The following MEI4 variants were observed in gnomAD, a reference collection of about 807,000 sequenced individuals.
The protein encoded by MEI4 is meiotic double-stranded break formation protein 4, also known as meiosis-specific protein MEI4.
In MEI4, 27 loss-of-function variants were observed where a neutral mutation model predicts 31.4. The ratio of observed to expected loss-of-function variants is 0.86; its 90% CI spans 0.63 to 1.19. MEI4 has a LOEUF of 1.19. MEI4 is among the 50% of genes most tolerant of loss of function. The probability of loss-of-function intolerance (pLI) is 0.00; values close to 1 mark genes in which losing one functional copy is unlikely to be tolerated. For missense variants in MEI4, 329 were observed against 398.9 expected, an observed-to-expected ratio of 0.82 and a Z score of 1.49; for synonymous variants, 122 against 145.4, an observed-to-expected ratio of 0.84 and a Z score of 1.16.
At chr6:77,716,744 T>G (rs1350742173) in intron 2 of MEI4, 2 of 283,478 alleles carry the variant, frequency 7.1e-6, no homozygotes, top group Admixed American at 6.5e-5. Flanking sequence ...GAATGTATAT[T>G]TTTAAAATTT....
At chr6:77,844,267 AT>A (rs1006862795) in intron 4 of MEI4, among the ~76,000 whole-genome samples, 1 of 152,132 alleles carries the variant, frequency 6.6e-6, no homozygotes, top group Non-Finnish European at 1.5e-5. Flanking sequence ...GGTATTAATA[AT>A]TTTTTAAGAA....
At chr6:77,827,359 T>TCA (rs1257249483) in intron 3 of MEI4, among the ~76,000 whole-genome samples, 8 of 64,708 alleles carry the variant, frequency 1.2e-4, no homozygotes, top group African/African-American at 5.3e-4. Context: ...AGACTCCATC[T>TCA]TAAAAAAAAA....
chr6:77,690,613 C>A, intron 1 of MEI4, 45 bp from the exon 2 acceptor site: 1 of 953,324 alleles, frequency 1.0e-6, no homozygotes, highest in Non-Finnish European at 1.4e-6. Flanking sequence ...ATGCACTGCA[C>A]AAGTTAAAAA....
chr6:77,790,201 AC>A (rs936563744), intron 3 of MEI4, among the ~76,000 whole-genome samples: 3 of 143,254 alleles, frequency 2.1e-5, no homozygotes, highest in African/African-American at 7.7e-5. Flanking sequence ...GGAATTAAAC[AC>A]GAGAACACAT....
chr6:77,671,500 GAAA>G (rs201236485), intron 1 of MEI4, among the ~76,000 whole-genome samples: 1 of 151,648 alleles, frequency 6.6e-6, no homozygotes, highest in Non-Finnish European at 1.5e-5. Flanking sequence ...ATGTTAAAAT[GAAA>G]AAAAACCGAA....
At chr6:77,743,264 T>G (rs375465396) in intron 2 of MEI4, among the ~76,000 whole-genome samples, 9 of 152,190 alleles carry the variant, frequency 5.9e-5, no homozygotes. Flanking sequence ...CATGGAATGT[T>G]CTTCCATTTG....
intron 3 of MEI4, among the ~76,000 whole-genome samples, chr6:77,769,398 G>T (rs1768252888): frequency 6.6e-6 from 1 of 152,094 alleles, no homozygotes; most frequent in South Asian, 2.1e-4. Context: ...GTGTTCTGGG[G>T]TTCTAAATAA....
intron 3 of MEI4, among the ~76,000 whole-genome samples, chr6:77,805,625 A>C (rs938827396): frequency 3.9e-5 from 6 of 152,152 alleles, no homozygotes; most frequent in African/African-American, 1.4e-4. Flanking sequence ...AGTGTCTTAG[A>C]CCAGGAAAAT....
chr6:77,844,713 T>A (rs6905087), intron 4 of MEI4, among the ~76,000 whole-genome samples: 125,606 of 152,078 alleles, frequency 0.83, 52,397 homozygotes, highest in East Asian at 0.95. Context: ...GTGACTGGCC[T>A]TACCTGAATC....
chr6:77,760,365 A>G (rs888490372), intron 2 of MEI4, among the ~76,000 whole-genome samples: 1 of 152,058 alleles, frequency 6.6e-6, no homozygotes, highest in African/African-American at 2.4e-5. Context: ...ATATTATTCA[A>G]GTTGGAAATT....
At chr6:77,757,824 T>A (rs1767950312) in intron 2 of MEI4, among the ~76,000 whole-genome samples, 1 of 152,206 alleles carries the variant, frequency 6.6e-6, no homozygotes, top group Non-Finnish European at 1.5e-5. Flanking sequence ...TCATTTTCAG[T>A]GTCTATTCAC....
chr6:77,887,913 T>C (rs1003148996), intron 4 of MEI4, among the ~76,000 whole-genome samples: 2 of 152,212 alleles, frequency 1.3e-5, no homozygotes, highest in East Asian at 1.9e-4. Flanking sequence ...TCTCTTTAGA[T>C]CTATTGGTAT....
chr6:77,844,193 T>A (rs1770425986), intron 4 of MEI4, among the ~76,000 whole-genome samples: 1 of 152,162 alleles, frequency 6.6e-6, no homozygotes, highest in Admixed American at 6.6e-5. Flanking sequence ...CTTATTAGAA[T>A]GACTCATGAA....
intron 4 of MEI4, among the ~76,000 whole-genome samples, chr6:77,845,688 A>G (rs988307333): frequency 3.7e-4 from 57 of 152,260 alleles, no homozygotes; most frequent in Middle Eastern, 3.4e-3. Flanking sequence ...GTACACTGCT[A>G]TGGCACTAAT....
chr6:77,916,565 C>A (rs966391181), intron 4 of MEI4, among the ~76,000 whole-genome samples: 8 of 152,080 alleles, frequency 5.3e-5, no homozygotes, highest in Admixed American at 3.9e-4. Flanking sequence ...TTTCTTATTT[C>A]CTCCATGGCT....
At chr6:77,757,904 TC>T (rs563678264) in intron 2 of MEI4, among the ~76,000 whole-genome samples, 59 of 152,216 alleles carry the variant, frequency 3.9e-4, no homozygotes, top group Non-Finnish European at 1.8e-4. Context: ...ATGCCTGTAA[TC>T]CCAGCACTTT....
chr6:77,707,571 G>A (rs1244792904), intron 2 of MEI4, among the ~76,000 whole-genome samples: 1 of 152,194 alleles, frequency 6.6e-6, no homozygotes, highest in African/African-American at 2.4e-5. Context: ...AGATTTGCTT[G>A]ACTAAAAGGG....
chr6:77,754,300 G>C (rs928533928), intron 2 of MEI4, among the ~76,000 whole-genome samples: 1 of 151,876 alleles, frequency 6.6e-6, no homozygotes, highest in Admixed American at 6.6e-5. Flanking sequence ...AACAAACAAG[G>C]CTCCAAAGAT....
At chr6:77,655,271 T>C (rs1768372525) in intron 1 of MEI4, among the ~76,000 whole-genome samples, 1 of 152,208 alleles carries the variant, frequency 6.6e-6, no homozygotes, top group South Asian at 2.1e-4. Flanking sequence ...TTCCATGGTG[T>C]ATATGTGCCA....
Sources: gnomAD v4.1 joint callset for allele counts (sites outside exome capture counted in the v4.1 genomes callset) on GRCh38, gnomAD v4.1.1 for gene constraint, MANE v1.5 for transcripts, NCBI Gene and HGNC (gene_info 2026-07-23, HGNC 2026-07-21) for gene names.